Variants in IL6ST observed in about 807,000 individuals in gnomAD.
IL6ST encodes the protein interleukin 6 cytokine family signal transducer, also known as interleukin-6 receptor subunit beta.
Under a neutral mutation model 91.3 loss-of-function variants are expected in IL6ST, and 24 were observed. The ratio of observed to expected loss-of-function variants is 0.26; its 90% CI spans 0.19 to 0.37. IL6ST has a LOEUF of 0.37. Ranked by LOEUF, IL6ST falls within the 10% of genes least tolerant of loss-of-function variation. The pLI, the probability that IL6ST is intolerant of heterozygous loss-of-function variation, is 1.00. For synonymous variants in IL6ST, 351 were observed against 373.6 expected (o/e 0.94, Z 0.70); for missense variants, 914 against 1,078.5 (o/e 0.85, Z 2.14).
At chr5:55,983,166 T>G (rs1753760777) in intron 1 of IL6ST, among the ~76,000 whole-genome samples, 1 of 152,084 alleles carries the variant, frequency 6.6e-6, no homozygotes, top group African/African-American at 2.4e-5. Flanking sequence ...GCCTAGCTAA[T>G]TTTTTTATTT....
At chr5:55,976,578 T>C (rs892352068) in intron 2 of IL6ST, among the ~76,000 whole-genome samples, 4 of 152,192 alleles carry the variant, frequency 2.6e-5, no homozygotes, top group African/African-American at 4.8e-5. Flanking sequence ...AACTGTGAGA[T>C]TAAGAACTTC....
chr5:55,970,274 G>A (rs1752887494), intron 3 of IL6ST, among the ~76,000 whole-genome samples: 1 of 152,024 alleles, frequency 6.6e-6, no homozygotes, highest in Admixed American at 6.6e-5. Flanking sequence ...AGTACAGTTG[G>A]GGTCACAGAC....
At chr5:55,960,839 C>T (rs1386602273) in intron 7 of IL6ST, among the ~76,000 whole-genome samples, 2 of 152,002 alleles carry the variant, frequency 1.3e-5, no homozygotes, top group East Asian at 1.9e-4. Flanking sequence ...CCATGTTGGC[C>T]GGGCTGGTCT....
At chr5:55,972,867 T>C (rs912238687) in intron 3 of IL6ST, among the ~76,000 whole-genome samples, 9 of 151,830 alleles carry the variant, frequency 5.9e-5, no homozygotes, top group African/African-American at 2.2e-4. Flanking sequence ...TACCCGGGCG[T>C]GGTGACCTGC....
In IL6ST at chr5:55,960,462, C is replaced by T. The variant is rs1213290004; in HGVS notation, c.913G>A (p.Asp305Asn). Residue 305 changes from aspartate (D) to asparagine (N), a missense_variant, in exon 8 of 17, where the codon GAT (aspartate) becomes AAT (asparagine). Physicochemically the swap from Asp to Asn is conservative, Grantham distance 23. Coordinates refer to ENST00000381298, the MANE Select transcript of IL6ST (RefSeq NM_002184.4). ...YVFRIRCMKEDGKGYWSDWSE... is the reference protein window; with the variant it reads ...YVFRIRCMKENGKGYWSDWSE... ...CAGTCACTCCAGTATCCCTTACCATCTTCCTTCATACAGCGAATCCTAAAC... is the reference window on the plus strand; with the variant it reads ...CAGTCACTCCAGTATCCCTTACCATTTTCCTTCATACAGCGAATCCTAAAC... 6.2e-7 allele frequency: 1 copy of T among 1,614,084 alleles called. No homozygotes were observed. Among genetic ancestry groups the T allele is most frequent in the Admixed American group, 1.7e-5 (1 of 60,028 alleles).
chr5:55,976,285 C>G lies in IL6ST; in HGVS notation c.-7G>C. 1 of 1,574,298 alleles carries G rather than the reference C, an allele frequency of 6.4e-7. No homozygotes were observed. The highest frequency in any genetic ancestry group is 1.2e-5 in the South Asian group (1 of 84,906). ...AAGTCTGCAACGTCAACATCTTGCGCGGATATTTCTGCAACAGACACATGT... is the reference window on the plus strand; with the variant it reads ...AAGTCTGCAACGTCAACATCTTGCGGGGATATTTCTGCAACAGACACATGT... On this transcript the variant is annotated 5_prime_UTR_variant, in exon 3 of 17. Coordinates refer to ENST00000381298, the MANE Select transcript of IL6ST (RefSeq NM_002184.4).
At position 55,937,815 on chromosome 5, in the gene IL6ST, T is replaced by C. The variant is rs188976754; in HGVS notation, c.*3267A>G. On this transcript the variant is annotated 3_prime_UTR_variant, in exon 17 of 17. Transcript: ENST00000381298. ...TTCATCTCAACAAAATAAAACTTTA[T>C]TGAAACAAAAGTGTATGGTTTAGGA... 46 of 194,472 alleles carry C rather than the reference T, an allele frequency of 2.4e-4. No homozygotes were observed. Among genetic ancestry groups the C allele is most frequent in the African/African-American group, 1.1e-3 (46 of 43,360 alleles). 12.0% of individuals were successfully genotyped at this position (194,472 alleles called of 1,614,324 possible).
intron 5 of IL6ST, among the ~76,000 whole-genome samples, chr5:55,967,309 C>CAAAAAAAAAAAA (rs60547666): frequency 5.3e-4 from 17 of 31,904 alleles, no homozygotes; most frequent in African/African-American, 1.5e-3. Context: ...GACTCCATCT[C>CAAAAAAAAAAAA]AAAAAAAAAA....
chr5:55,989,121 C>A (rs10075152), intron 1 of IL6ST, among the ~76,000 whole-genome samples: 11 of 133,200 alleles, frequency 8.3e-5, no homozygotes, highest in African/African-American at 3.4e-4. Context: ...GGTAACAGTG[C>A]GAGGCTCTGT....
rs775718952 is a variant in IL6ST, at chr5:55,941,498, C to G, written c.2341G>C (p.Glu781Gln). The G allele has an allele frequency of 1.9e-6, 3 of 1,613,966 alleles. No homozygotes were observed. The highest frequency in any genetic ancestry group is 2.5e-6 in the Non-Finnish European group (3 of 1,179,996). ...VPSVQVFSRSESTQPLLDSEE... is the reference protein window; with the variant it reads ...VPSVQVFSRSQSTQPLLDSEE... The stretch of plus-strand genomic sequence containing the variant: ...GAATCTAACAAGGGCTGGGTAGACT[C>G]GGATCTTGAGAAGACTTGGACTGAC... The change falls in exon 17 of 17, where the codon GAG (glutamate) becomes CAG (glutamine). Residue 781 changes from glutamate (E) to glutamine (Q), a missense_variant. Coordinates refer to ENST00000381298, the MANE Select transcript of IL6ST (RefSeq NM_002184.4).
chr5:55,963,493 C>T lies in IL6ST; in HGVS notation c.672G>A (p.Pro224=), dbSNP rs3730292. The T allele has an allele frequency of 5.9e-3, 9,482 of 1,604,916 alleles. 505 individuals are homozygous for T. The African/African-American group carries it at 0.11, about 19-fold the overall frequency. Residue 224 remains proline, a synonymous_variant, in exon 7 of 17, where the codon CCG becomes CCA. Coordinates refer to ENST00000381298, the MANE Select transcript of IL6ST (RefSeq NM_002184.4). ...FDPVYKVKPN[P]PHNLSVINSE... ...AGTTGATCACTGATAAATTATGTGG[C>T]GGATTGGGCTTCACTGAAAAATAAA...
At position 55,986,415 on chromosome 5, in the gene IL6ST, T is replaced by C. The variant is rs575528263; in HGVS notation, c.-103-3604A>G. 4.8e-4 allele frequency among the ~76,000 whole-genome samples: 73 copies of C among 152,336 alleles called. 3 individuals carry two copies. In the South Asian group the frequency reaches 0.014, roughly 29 times the overall value. On this transcript the variant is annotated intron_variant, in intron 1 of 16. Transcript: ENST00000381298. ...TTCTGTCTTACTTTGATTAGTGTTA[T>C]CATGACATATCCTCTCCCATTCTTT...
rs71602925 is a variant in IL6ST at position 55,947,592 on chromosome 5, TAAA to T, written c.1841-6_1841-4del. 12,574 of 381,330 alleles carry T rather than the reference TAAA, an allele frequency of 0.033. No individual in the cohort carries two copies. The highest frequency in any genetic ancestry group is 0.043 in the East Asian group (999 of 23,480). 23.6% of individuals were successfully genotyped at this position (381,330 alleles called of 1,614,324 possible). ...TATGGCTTCAATTTCTCCTTGAGCTTAAAAAAAAAAAAAAAAAAAAAAAAAGAG... is the reference window on the plus strand; with the variant it reads ...TATGGCTTCAATTTCTCCTTGAGCTTAAAAAAAAAAAAAAAAAAAAAAGAG... On this transcript the variant is annotated splice_polypyrimidine_tract_variant and splice_region_variant and intron_variant, in intron 14 of 16. Coordinates refer to ENST00000381298, the MANE Select transcript of IL6ST (RefSeq NM_002184.4).
At position 55,951,171 on chromosome 5, in the gene IL6ST, T is replaced by C. The variant is rs1040066218; in HGVS notation, c.1840+293A>G. 1.3e-4 allele frequency among the ~76,000 whole-genome samples: 20 copies of C among 151,064 alleles called. 1 individual carries two copies. The highest frequency in any genetic ancestry group is 1.3e-3 in the Admixed American group (20 of 15,184). On this transcript the variant is annotated intron_variant, in intron 14 of 16. Coordinates refer to ENST00000381298, the MANE Select transcript of IL6ST (RefSeq NM_002184.4). The stretch of plus-strand genomic sequence containing the variant: ...TCTCAATAAAAGAAAGAAATGAGGA[T>C]AGAGAAGGAAAGAACACACCCAAAC...
intron 1 of IL6ST, among the ~76,000 whole-genome samples, chr5:55,989,045 G>A (rs1160700322): frequency 6.6e-6 from 1 of 151,004 alleles, no homozygotes; most frequent in Non-Finnish European, 1.5e-5. Flanking sequence ...ACAACCACTT[G>A]AGCCTGGGCT....
intron 3 of IL6ST, among the ~76,000 whole-genome samples, chr5:55,975,104 T>A (rs1184938608): frequency 1.3e-5 from 2 of 152,104 alleles, no homozygotes; most frequent in Non-Finnish European, 2.9e-5. Flanking sequence ...TGGCTCAGCC[T>A]CCTGAGTAGT....
intron 7 of IL6ST, among the ~76,000 whole-genome samples, chr5:55,962,278 A>G (rs1580821038): frequency 6.6e-6 from 1 of 152,156 alleles, no homozygotes; most frequent in South Asian, 2.1e-4. Flanking sequence ...TGGGGTAAGG[A>G]GAGAAGTAGT....
At chr5:55,959,539 A>T in intron 8 of IL6ST, 1 of 548,116 alleles carries the variant, frequency 1.8e-6, no homozygotes, top group Non-Finnish European at 2.9e-6. Flanking sequence ...TGAGGATCTT[A>T]CTTTAGACTG....
chr5:55,960,715 C>T (rs555133716), intron 7 of IL6ST, among the ~76,000 whole-genome samples, 154 bp from the exon 8 acceptor site: 1 of 152,026 alleles, frequency 6.6e-6, no homozygotes, highest in African/African-American at 2.4e-5. Context: ...ACAACCTCTA[C>T]CTCTCCCAGG....
Sources: gnomAD v4.1 joint callset for allele counts (sites outside exome capture counted in the v4.1 genomes callset) on GRCh38, gnomAD v4.1.1 for gene constraint, MANE v1.5 for transcripts, NCBI Gene and HGNC (gene_info 2026-07-23, HGNC 2026-07-21) for gene names.